Variants in LRP2 observed in about 807,000 individuals in gnomAD.
The protein encoded by LRP2 is low-density lipoprotein receptor-related protein 2.
In LRP2, 172 loss-of-function variants were observed where a neutral mutation model predicts 531.0. The ratio of observed to expected loss-of-function variants is 0.32; its 90% confidence interval spans 0.29 to 0.37. The LOEUF (loss-of-function observed/expected upper bound fraction) is 0.37. Ranked by LOEUF, LRP2 falls within the 10% of genes least tolerant of loss-of-function variation. The pLI, the probability that LRP2 is intolerant of heterozygous loss-of-function variation, is 1.00. For missense variants in LRP2, 5,167 were observed against 5,868.3 expected, an observed-to-expected ratio of 0.88 and a Z score of 3.90; for synonymous variants, 1,992 against 2,027.6, an observed-to-expected ratio of 0.98 and a Z score of 0.47.
At chr2:169,294,849 C>A in intron 4 of LRP2, 139 bp from the exon 5 acceptor site, 1 of 640,170 alleles carries the variant, frequency 1.6e-6, no homozygotes, top group Non-Finnish European at 2.8e-6. Flanking sequence ...AAGAAGTATG[C>A]TCCCTGGCTT....
Position 169,175,299 on chromosome 2 carries a change from T to G in LRP2, c.10662A>C (p.Arg3554=), listed in dbSNP as rs1290855903. 5 of 1,614,188 alleles carry G rather than the reference T, an allele frequency of 3.1e-6. No homozygotes were observed. In the South Asian group the frequency reaches 5.5e-5, roughly 18 times the overall value. ...ELALCPQRFC[R]LGQFQCSDGN... ...CGTCACTGCACTGGAACTGTCCCAG[T>G]CGGCAGAAGCGCTGCGGGCAAAGGG... The change falls in exon 55 of 79, where the codon CGA becomes CGC. Residue 3554 remains arginine, a synonymous_variant. Coordinates refer to ENST00000649046, the MANE Select transcript of LRP2 (RefSeq NM_004525.3).
rs756614484 is a variant in LRP2, at chr2:169,290,985, T to C, written c.782A>G (p.His261Arg). The change falls in exon 8 of 79, where the codon CAT becomes CGT. Residue 261 changes from histidine to arginine, a missense_variant. By Grantham distance (29) the His-to-Arg change is conservative (BLOSUM62 0). Coordinates refer to ENST00000649046, the MANE Select transcript of LRP2 (RefSeq NM_004525.3). ...TCTTGGGGAACATTTATGAACATCA[T>C]GAGGACCGCTTTCTGTGGGGGGAAA... is the stretch of plus-strand genomic sequence containing the variant. ...GDEDGCESGP[H>R]DVHKCSPREW... The C allele has an allele frequency of 3.1e-6, 5 of 1,614,048 alleles. No individual in the cohort carries two copies. The South Asian group carries it at 3.3e-5, about 11-fold the overall frequency.
Position 169,128,338 on chromosome 2 carries a change from T to C in LRP2, c.*325A>G. On this transcript the variant is annotated 3_prime_UTR_variant, in exon 79 of 79. Transcript: ENST00000649046. ...CTTGTTGGATCATTTACTATAATGA[T>C]CACCAACCAAATCAGCAGACATCTT... is the stretch of plus-strand genomic sequence containing the variant. The C allele has an allele frequency of 4.1e-6, 1 of 243,730 alleles. No homozygotes were observed. The highest frequency in any genetic ancestry group is 8.1e-6 in the Non-Finnish European group (1 of 123,852). 15.1% of individuals were successfully genotyped at this position (243,730 alleles called of 1,614,324 possible).
chr2:169,132,314 A>C (rs1685322239), intron 77 of LRP2, among the ~76,000 whole-genome samples: 1 of 152,196 alleles, frequency 6.6e-6, no homozygotes, highest in South Asian at 2.1e-4. Context: ...TGGATCCAGA[A>C]GTCTATTTGT....
chr2:169,195,755 T>G (rs1687983004), intron 46 of LRP2, among the ~76,000 whole-genome samples: 1 of 152,214 alleles, frequency 6.6e-6, no homozygotes, highest in African/African-American at 2.4e-5. Context: ...CTCAAAACTC[T>G]ATGTGCCCTT....
In LRP2 at chr2:169,170,715, A is replaced by G. The variant is rs111295819; in HGVS notation, c.11264-48T>C. The G allele has an allele frequency of 1.2e-4, 154 of 1,292,660 alleles. 1 individual carries two copies. The African/African-American group carries it at 2.1e-3, about 17-fold the overall frequency. The allele number at this position is 1,292,660 out of a possible 1,614,324, so 80.1% of individuals were successfully genotyped here. A position where few individuals can be genotyped will look rare whatever the true frequency, so the allele number is the denominator to read the frequency against. On this transcript the variant is annotated intron_variant, in intron 58 of 78. Coordinates refer to ENST00000649046, the MANE Select transcript of LRP2 (RefSeq NM_004525.3). ...CATGAGTGTGCACCAGGAATCACAT[A>G]CAGGAGACATCTTGTGAGCTGACCA...
At chr2:169,232,528 A>T (rs1349501854) in intron 30 of LRP2, among the ~76,000 whole-genome samples, 1 of 152,222 alleles carries the variant, frequency 6.6e-6, no homozygotes, top group Non-Finnish European at 1.5e-5. Flanking sequence ...TCGAGCAAAA[A>T]GAAACAACTA....
At chr2:169,168,018 A>AATATATATATATATATATATATATAT (rs4001548) in intron 61 of LRP2, among the ~76,000 whole-genome samples, 731 of 67,938 alleles carry the variant, frequency 0.011, 62 homozygotes, top group Middle Eastern at 0.024. Context: ...CAGGGTTTAA[A>AATATATATATATATATATATATATAT]ATATATATAT....
At chr2:169,147,612 C>G (rs1188029711) in intron 68 of LRP2, among the ~76,000 whole-genome samples, 3 of 152,120 alleles carry the variant, frequency 2.0e-5, no homozygotes, top group Non-Finnish European at 4.4e-5. Context: ...CCACCACACC[C>G]AGCAACTCTT....
intron 4 of LRP2, among the ~76,000 whole-genome samples, chr2:169,295,977 A>AG (rs1408626571): frequency 6.6e-6 from 1 of 152,168 alleles, no homozygotes; most frequent in Non-Finnish European, 1.5e-5. Context: ...TTTGCACTTA[A>AG]GAACCCAATT....
intron 26 of LRP2, among the ~76,000 whole-genome samples, chr2:169,238,557 A>T (rs997125622): frequency 3.4e-5 from 5 of 145,838 alleles, no homozygotes; most frequent in African/African-American, 1.4e-4. Context: ...GTTTCTAAAT[A>T]CTAGTCTAGA....
rs146427582 is a variant in LRP2 at position 169,332,869 on chromosome 2, T to C, written c.80-11985A>G. On this transcript the variant is annotated intron_variant, in intron 1 of 78. Coordinates refer to ENST00000649046, the MANE Select transcript of LRP2 (RefSeq NM_004525.3). ...CTTGGTGATGGTGAGGCTCATTGCA[T>C]TGTTATTCACACAAACACTAAACTT... Among the ~76,000 whole-genome samples the C allele has an allele frequency of 1.8e-3, 275 of 152,360 alleles. 1 individual carries two copies. The highest frequency in any genetic ancestry group is 6.8e-3 in the Middle Eastern group (2 of 294).
Position 169,351,527 on chromosome 2 carries a change from G to A in LRP2, c.79+10794C>T, listed in dbSNP as rs561435715. ...GGAGGAAAGACAGAAGATATAAGAC[G>A]AAGTTCAAATGATGATGGTTGAGTT... On this transcript the variant is annotated intron_variant, in intron 1 of 78. Coordinates refer to ENST00000649046, the MANE Select transcript of LRP2 (RefSeq NM_004525.3). 2.3e-4 allele frequency among the ~76,000 whole-genome samples: 35 copies of A among 152,290 alleles called. No individual in the cohort carries two copies. The South Asian group carries it at 6.2e-3, about 27-fold the overall frequency.
At chr2:169,196,458 G>T (rs1197182058) in intron 46 of LRP2, among the ~76,000 whole-genome samples, 1 of 152,174 alleles carries the variant, frequency 6.6e-6, no homozygotes, top group African/African-American at 2.4e-5. Flanking sequence ...AACTTCTTGG[G>T]CCTCTTGTGC....
chr2:169,245,989 G>A (rs1689990249), intron 21 of LRP2, among the ~76,000 whole-genome samples: 1 of 152,046 alleles, frequency 6.6e-6, no homozygotes, highest in South Asian at 2.1e-4. Context: ...TCCCACCTCA[G>A]CCTCCCAAGT....
In LRP2 at chr2:169,181,950, A is replaced by C. The variant is rs556119374; in HGVS notation, c.9998+217T>G. ...CAAAATACAGGACTTGAAAAGTGCAAAAGTGTGTCAGGGAAAAGAAAACAG... is the reference window on the plus strand; with the variant it reads ...CAAAATACAGGACTTGAAAAGTGCACAAGTGTGTCAGGGAAAAGAAAACAG... On this transcript the variant is annotated intron_variant, in intron 51 of 78. Transcript: ENST00000649046. Among the ~76,000 whole-genome samples the C allele has an allele frequency of 1.8e-4, 27 of 152,326 alleles. No individual in the cohort carries two copies. The South Asian group carries it at 4.1e-3, about 23-fold the overall frequency.
chr2:169,163,660 T>C (rs575195753), intron 62 of LRP2, among the ~76,000 whole-genome samples: 2 of 152,254 alleles, frequency 1.3e-5, no homozygotes, highest in Admixed American at 1.3e-4. Flanking sequence ...CCTGGTATGT[T>C]TCTGAGAGAA....
chr2:169,211,398 A>C (rs781690934), intron 37 of LRP2, among the ~76,000 whole-genome samples: 3 of 152,136 alleles, frequency 2.0e-5, no homozygotes, highest in African/African-American at 7.2e-5. Context: ...ACAGTATGTA[A>C]GCACAAAGTG....
chr2:169,298,193 AATCATCATCATCATC>A (rs3083159), intron 4 of LRP2, among the ~76,000 whole-genome samples: 2 of 150,402 alleles, frequency 1.3e-5, no homozygotes, highest in African/African-American at 2.5e-5. Context: ...TTAAACAAGC[AATCATCATCATCATC>A]ATCATCATCA....
Sources: gnomAD v4.1 joint callset for allele counts (sites outside exome capture counted in the v4.1 genomes callset) on GRCh38, gnomAD v4.1.1 for gene constraint, MANE v1.5 for transcripts, NCBI Gene and HGNC (gene_info 2026-07-23, HGNC 2026-07-21) for gene names.